GON4L: variants seen among roughly 807,000 people sequenced by gnomAD.
GON4L encodes gon-4 like, also known as GON-4-like protein.
GON4L carries 87 observed loss-of-function variants against 211.8 expected under a neutral mutation model. That is an observed-to-expected ratio of 0.41 (90% CI 0.35 to 0.49). GON4L has a LOEUF of 0.49. Ranked by LOEUF, GON4L falls within the 20% of genes least tolerant of loss-of-function variation. The pLI, the probability that GON4L is intolerant of heterozygous loss-of-function variation, is 0.15. For missense variants in GON4L, 2,155 were observed against 2,659.5 expected (o/e 0.81, Z 4.17); for synonymous variants, 875 against 962.6 (o/e 0.91, Z 1.68).
chr1:155,783,929 CT>C (rs1664667657), intron 14 of GON4L, 56 bp downstream of exon 14: 3 of 1,606,182 alleles, frequency 1.9e-6, no homozygotes, highest in African/African-American at 2.7e-5. Context: ...TTCTGAAAAC[CT>C]TTTCAGAAAT....
chr1:155,788,027 T>C (rs1469839654), intron 12 of GON4L, among the ~76,000 whole-genome samples: 1 of 152,226 alleles, frequency 6.6e-6, no homozygotes, highest in Non-Finnish European at 1.5e-5. Flanking sequence ...AGTCTCACTC[T>C]GTTGCCCAGG....
At chr1:155,845,782 T>TA (rs1343639201) in intron 2 of GON4L, 2 of 261,216 alleles carry the variant, frequency 7.7e-6, no homozygotes, top group Non-Finnish European at 1.5e-5. Flanking sequence ...CAGAAGCATA[T>TA]ATTTCAGTAG....
intron 28 of GON4L, chr1:155,754,051 A>G (rs1660886900): frequency 2.6e-6 from 1 of 377,860 alleles, no homozygotes; most frequent in Admixed American, 3.7e-5. Flanking sequence ...CTGCCAACCA[A>G]CTCCATTCTA....
chr1:155,808,064 A>T (rs1225452183), intron 10 of GON4L, among the ~76,000 whole-genome samples: 1 of 150,906 alleles, frequency 6.6e-6, no homozygotes, highest in East Asian at 1.9e-4. Flanking sequence ...TTTGAGATGG[A>T]GTCTCACTCT....
chr1:155,800,824 G>A (rs1666581108), intron 11 of GON4L, among the ~76,000 whole-genome samples: 1 of 148,074 alleles, frequency 6.8e-6, no homozygotes, highest in Admixed American at 6.8e-5. Context: ...ACTCTAGCTT[G>A]GGCAACAGAG....
At chr1:155,749,352 C>T (rs1162285169), downstream of GON4L, 2 of 1,609,952 alleles carry the variant, frequency 1.2e-6, no homozygotes, top group Non-Finnish European at 1.7e-6. Context: ...GACACCTCCA[C>T]CCTCTGCCCT....
chr1:155,806,807 A>G (rs1667167932), intron 10 of GON4L, among the ~76,000 whole-genome samples: 1 of 152,166 alleles, frequency 6.6e-6, no homozygotes, highest in South Asian at 2.1e-4. Context: ...GGGGCAATTA[A>G]GTATAATACC....
chr1:155,764,686 A>C, intron 21 of GON4L: 1 of 659,168 alleles, frequency 1.5e-6, no homozygotes, highest in Non-Finnish European at 2.6e-6. Context: ...TGATCCACCC[A>C]CCTCAGCCTC....
rs1425983934 is a variant in GON4L, at chr1:155,773,235, A to G, written c.2351-25T>C. ...GCTATAAGAAAATAAATCTCGGATA[A>G]ATCAACTTCTAGGACAAAAGAGGGC... is the stretch of plus-strand genomic sequence containing the variant. On this transcript the variant is annotated intron_variant, in intron 17 of 31. Transcript: ENST00000368331. 7 of 1,613,636 alleles carry G rather than the reference A, an allele frequency of 4.3e-6. No individual in the cohort carries two copies. In the South Asian group the frequency reaches 7.7e-5, roughly 18 times the overall value.
At position 155,752,235 on chromosome 1, in the gene GON4L, A is replaced by G. The variant is rs377361873; in HGVS notation, c.6198T>C (p.His2066=). ...CTTGAGTGTCTGGTTTCCCGGACAC[A>G]TGTCTTCTCCCTGCATCTCTGGTCT... is the stretch of plus-strand genomic sequence containing the variant. ...SSKTRDAGRR[H]VSGKPDTQER... The change falls in exon 30 of 32, where the codon CAT becomes CAC. Residue 2066 remains histidine (H), a synonymous_variant. Coordinates refer to ENST00000368331, the MANE Select transcript of GON4L (RefSeq NM_001282860.2). 9.9e-6 allele frequency: 16 copies of G among 1,612,266 alleles called. No individual in the cohort carries two copies. The highest frequency in any genetic ancestry group is 6.7e-5 in the East Asian group (3 of 44,858).
chr1:155,763,514 C>T lies in GON4L; in HGVS notation c.4524G>A (p.Gln1508=). The T allele has an allele frequency of 1.3e-6, 2 of 1,550,394 alleles. No individual in the cohort carries two copies. The highest frequency in any genetic ancestry group is 1.2e-5 in the South Asian group (1 of 84,062). The part of the protein sequence containing the change: ...TWLASERRMS[Q]EGESEEENSQ... ...AATTCTCTTCTTCAGACTCACCCTC[C>T]TGACTCATGCGCCTTTCAGATGCCA... The change falls in exon 22 of 32, where the codon CAG becomes CAA. Residue 1508 remains glutamine, a synonymous_variant. Transcript: ENST00000368331.
chr1:155,779,972 A>AT (rs1345960490), intron 14 of GON4L, among the ~76,000 whole-genome samples: 1 of 151,400 alleles, frequency 6.6e-6, no homozygotes, highest in Non-Finnish European at 1.5e-5. Context: ...TAATTTTTGT[A>AT]TTTTTTTGTA....
At chr1:155,748,300 C>G, downstream of GON4L, 3 of 1,325,896 alleles carry the variant, frequency 2.3e-6, no homozygotes, top group Non-Finnish European at 3.2e-6. Flanking sequence ...TCAAACATAC[C>G]CCTGATTCAT....
Position 155,814,323 on chromosome 1 carries a change from G to T in GON4L, c.1281+7C>A. On this transcript the variant is annotated splice_region_variant and intron_variant, in intron 9 of 31. Transcript: ENST00000368331. The stretch of plus-strand genomic sequence containing the variant: ...TCTAACATCTCTTTTGTATGATGCC[G>T]ATTTACCTCTGATAATATGCCACTC... 2 of 1,611,160 alleles carry T rather than the reference G, an allele frequency of 1.2e-6. No individual in the cohort carries two copies. Among genetic ancestry groups the T allele is most frequent in the Admixed American group, 3.3e-5 (2 of 59,990 alleles).
At chr1:155,843,914 C>A (rs11264416) in intron 2 of GON4L, among the ~76,000 whole-genome samples, 201 of 152,288 alleles carry the variant, frequency 1.3e-3, no homozygotes, top group African/African-American at 4.7e-3. Flanking sequence ...AAATCCTACC[C>A]CATACCCACT....
chr1:155,826,917 G>C lies in GON4L; in HGVS notation c.617C>G (p.Ser206Cys). 2 of 1,613,778 alleles carry C rather than the reference G, an allele frequency of 1.2e-6. No homozygotes were observed. The highest frequency in any genetic ancestry group is 1.7e-4 in the Middle Eastern group (1 of 6,054). ...AGTCCTGAGTGGCTTTTCTTGAGGA[G>C]AGGCACAAACATCTGGCTGGGTTGA... ...RKSTQPDVCA[S>C]PQEKPLRTLF... The change falls in exon 3 of 32, where the codon TCT (serine) becomes TGT (cysteine). Residue 206 changes from serine (S) to cysteine (C), a missense_variant. By Grantham distance (112) the Ser-to-Cys change is moderately radical (BLOSUM62 -1). Transcript: ENST00000368331.
At chr1:155,771,889 C>A (rs1316243437) in intron 18 of GON4L, among the ~76,000 whole-genome samples, 1 of 152,114 alleles carries the variant, frequency 6.6e-6, no homozygotes, top group African/African-American at 2.4e-5. Flanking sequence ...TAAGGCCAGG[C>A]GCAATGGCTC....
chr1:155,816,050 G>A, intron 7 of GON4L, 150 bp from the exon 8 acceptor site: 1 of 707,220 alleles, frequency 1.4e-6, no homozygotes, highest in South Asian at 1.6e-5. Flanking sequence ...AGAGGTTAAA[G>A]TGAATTCCAT....
At chr1:155,749,301 T>A, downstream of GON4L, 1 of 1,612,252 alleles carries the variant, frequency 6.2e-7, no homozygotes, top group South Asian at 1.1e-5. Context: ...CACAGACTAA[T>A]GGTGGTTTTG....
Sources: gnomAD v4.1 joint callset for allele counts (sites outside exome capture counted in the v4.1 genomes callset) on GRCh38, gnomAD v4.1.1 for gene constraint, MANE v1.5 for transcripts, NCBI Gene and HGNC (gene_info 2026-07-23, HGNC 2026-07-21) for gene names.